Variants in REEP1 observed in about 807,000 individuals in gnomAD.
REEP1 encodes receptor expression-enhancing protein 1.
In REEP1, 22 loss-of-function variants were observed where a neutral mutation model predicts 40.3. The ratio of observed to expected loss-of-function variants is 0.55; its 90% CI spans 0.39 to 0.78. The LOEUF (loss-of-function observed/expected upper bound fraction) is 0.78, where lower values mean the gene tolerates loss of function less well. REEP1 is among the 30% of genes least tolerant of loss of function. REEP1 has a pLI of 0.00. For missense variants in REEP1, 280 were observed against 361.1 expected (o/e 0.78, Z 1.82); for synonymous variants, 116 against 139.2 (o/e 0.83, Z 1.17).
intron 2 of REEP1, among the ~76,000 whole-genome samples, chr2:86,277,186 A>G (rs76041285): frequency 0.019 from 2,962 of 152,264 alleles, 91 homozygotes; most frequent in African/African-American, 0.067. Flanking sequence ...CTGCTACACA[A>G]TGAGGCAGAA....
intron 7 of REEP1, among the ~76,000 whole-genome samples, chr2:86,220,707 GTT>G (rs5832673): frequency 1.4e-5 from 2 of 145,926 alleles, no homozygotes; most frequent in Non-Finnish European, 3.0e-5. Context: ...TTTTTTGTTT[GTT>G]TTTTTTTTTG....
chr2:86,254,972 C>G (rs879480893), intron 3 of REEP1, 158 bp from the exon 4 acceptor site: 2 of 691,914 alleles, frequency 2.9e-6, no homozygotes, highest in Non-Finnish European at 5.0e-6. Flanking sequence ...GGTGAGGGCA[C>G]ACACTTGCAC....
chr2:86,236,420 T>C (rs999422725), intron 5 of REEP1, among the ~76,000 whole-genome samples: 24 of 152,274 alleles, frequency 1.6e-4, no homozygotes, highest in African/African-American at 5.5e-4. Context: ...TCTGCAAAAT[T>C]GGTTTCCCTA....
intron 1 of REEP1, among the ~76,000 whole-genome samples, chr2:86,336,124 CT>C (rs1350409558): frequency 6.6e-6 from 1 of 152,204 alleles, no homozygotes; most frequent in Non-Finnish European, 1.5e-5. Flanking sequence ...AGGCATGAGG[CT>C]GGGCAAGGCG....
At chr2:86,306,228 A>C (rs934931829) in intron 1 of REEP1, among the ~76,000 whole-genome samples, 2 of 152,154 alleles carry the variant, frequency 1.3e-5, no homozygotes, top group Non-Finnish European at 2.9e-5. Flanking sequence ...AACATACCAC[A>C]TAAATTCTAA....
chr2:86,248,855 C>G (rs1418715524), intron 5 of REEP1, among the ~76,000 whole-genome samples: 1 of 152,184 alleles, frequency 6.6e-6, no homozygotes, highest in Non-Finnish European at 1.5e-5. Flanking sequence ...GTCACCCCAG[C>G]TATGGGTGAC....
intron 2 of REEP1, among the ~76,000 whole-genome samples, chr2:86,276,540 T>C (rs779723689): frequency 6.6e-6 from 1 of 152,220 alleles, no homozygotes; most frequent in African/African-American, 2.4e-5. Context: ...CCCAATGCCC[T>C]GCGGTGGCTG....
In REEP1 at chr2:86,337,468, A is replaced by G; in HGVS notation, c.32+11T>C. The G allele has an allele frequency of 7.8e-7, 1 of 1,279,518 alleles. No individual in the cohort carries two copies. Among genetic ancestry groups the G allele is most frequent in the Non-Finnish European group, 9.9e-7 (1 of 1,006,850 alleles). The allele number at this position is 1,279,518 out of a possible 1,614,324, so 79.3% of individuals were successfully genotyped here. A position where few individuals can be genotyped will look rare whatever the true frequency, so the allele number is the denominator to read the frequency against. Reference sequence around the variant, plus strand: ...AGGGGACGGAGGGGCGCGGGGGAGAAGGCCACTTACACCACCAGCCTGGAG... The same window carrying G: ...AGGGGACGGAGGGGCGCGGGGGAGAGGGCCACTTACACCACCAGCCTGGAG... On this transcript the variant is annotated intron_variant, in intron 1 of 8. Transcript: ENST00000538924. This position sits in a 1 kb window ranked among gnomAD's most constrained non-coding sequence, Gnocchi z 5.8.
chr2:86,266,401 T>C (rs1439090767), intron 2 of REEP1, among the ~76,000 whole-genome samples: 245 of 135,480 alleles, frequency 1.8e-3, no homozygotes, highest in Middle Eastern at 0.015. Flanking sequence ...GGGTGGATCA[T>C]GAGGTCAGGA....
intron 5 of REEP1, among the ~76,000 whole-genome samples, chr2:86,241,779 AC>A (rs1446408683): frequency 6.6e-6 from 1 of 152,072 alleles, no homozygotes; most frequent in Non-Finnish European, 1.5e-5. Flanking sequence ...CCCACGTTTG[AC>A]CTTCCTCCTG....
rs1224899975 is a variant in REEP1 at position 86,239,092 on chromosome 2, A to G, written c.418-6290T>C. On this transcript the variant is annotated intron_variant, in intron 5 of 8. Transcript: ENST00000538924. ...TGCACCAAGAACATGCATTACCTTT[A>G]AAAAATCAGTACAATTTAATTTTCA... is the stretch of plus-strand genomic sequence containing the variant. 2.6e-5 allele frequency among the ~76,000 whole-genome samples: 4 copies of G among 151,886 alleles called. No homozygotes were observed. In the East Asian group the frequency reaches 7.7e-4, roughly 29 times the overall value.
chr2:86,295,729 CG>C (rs144718278), intron 1 of REEP1, among the ~76,000 whole-genome samples: 1,538 of 152,210 alleles, frequency 0.01, 27 homozygotes, highest in African/African-American at 0.035. Flanking sequence ...TTAGTAGAGA[CG>C]GGGTTTCACC....
intron 7 of REEP1, among the ~76,000 whole-genome samples, chr2:86,224,530 G>C (rs1326627773): frequency 1.3e-5 from 2 of 152,182 alleles, no homozygotes; most frequent in African/African-American, 2.4e-5. Flanking sequence ...ATCATCAAAG[G>C]GTTCCTTGCA....
chr2:86,296,477 T>C (rs79112960), intron 1 of REEP1, among the ~76,000 whole-genome samples: 6,538 of 152,324 alleles, frequency 0.043, 183 homozygotes, highest in East Asian at 0.071. Context: ...TAGTAAAATA[T>C]TTTGATCACA....
intron 1 of REEP1, among the ~76,000 whole-genome samples, chr2:86,312,787 C>T (rs990931338): frequency 6.6e-6 from 1 of 152,204 alleles, no homozygotes; most frequent in Non-Finnish European, 1.5e-5. Context: ...CAACATCTGA[C>T]ATAAAGCATA....
At chr2:86,288,189 A>C (rs578159908) in intron 1 of REEP1, among the ~76,000 whole-genome samples, 2 of 152,048 alleles carry the variant, frequency 1.3e-5, no homozygotes, top group African/African-American at 2.4e-5. Flanking sequence ...TGCCTGGCTA[A>C]TATTTGTATT....
intron 1 of REEP1, among the ~76,000 whole-genome samples, chr2:86,299,537 A>G (rs1305245906): frequency 2.6e-5 from 4 of 152,198 alleles, no homozygotes; most frequent in Non-Finnish European, 5.9e-5. Context: ...TGTGCCTTCT[A>G]CACACTTGGT....
intron 1 of REEP1, among the ~76,000 whole-genome samples, chr2:86,283,320 T>C (rs189167091): frequency 2.6e-5 from 4 of 152,306 alleles, no homozygotes; most frequent in Admixed American, 2.6e-4. Context: ...TTTAATCTTT[T>C]CACCTGACAG....
chr2:86,263,887 T>C, intron 3 of REEP1, 78 bp downstream of exon 3: 1 of 1,056,528 alleles, frequency 9.5e-7, no homozygotes, highest in East Asian at 2.4e-5. Context: ...GAGGCTGGGT[T>C]CAGCCCTTTC....
Sources: allele counts gnomAD v4.1 joint callset (sites outside exome capture counted in the v4.1 genomes callset), GRCh38; gene constraint gnomAD v4.1.1; non-coding constraint Gnocchi (gnomAD v3.1); transcripts MANE v1.5; gene names NCBI Gene and HGNC (gene_info 2026-07-23, HGNC 2026-07-21).